Variants in PHF20 observed in about 807,000 individuals in gnomAD.
PHF20 encodes the protein glioma-expressed antigen 2.
In PHF20, 23 loss-of-function variants were observed where a neutral mutation model predicts 113.5. That is an observed-to-expected ratio of 0.20 (90% CI 0.15 to 0.29). The LOEUF (loss-of-function observed/expected upper bound fraction) is 0.29, where lower values mean the gene tolerates loss of function less well. Ranked by LOEUF, PHF20 falls within the 10% of genes least tolerant of loss-of-function variation. The probability of loss-of-function intolerance (pLI) is 1.00; values close to 1 mark genes in which losing one functional copy is unlikely to be tolerated. For missense variants in PHF20, 943 were observed against 1,219.6 expected (o/e 0.77, Z 3.38); for synonymous variants, 434 against 457.3 (o/e 0.95, Z 0.65).
In PHF20 at chr20:35,854,050, G is replaced by A. The variant is rs185422677; in HGVS notation, c.341-4252G>A. Among the ~76,000 whole-genome samples the A allele has an allele frequency of 2.0e-3, 300 of 152,164 alleles. 1 individual carries two copies. The highest frequency in any genetic ancestry group is 3.2e-3 in the Non-Finnish European group (221 of 68,014). ...ATTACAGGCGTGAGCCACCATGCCCGGCCGATGAAGACCCTGTTTCTAAGA... is the reference window on the plus strand; with the variant it reads ...ATTACAGGCGTGAGCCACCATGCCCAGCCGATGAAGACCCTGTTTCTAAGA... On this transcript the variant is annotated intron_variant, in intron 4 of 17. Coordinates refer to ENST00000374012, the MANE Select transcript of PHF20 (RefSeq NM_016436.5).
At chr20:35,798,345 C>T (rs886087203) in intron 1 of PHF20, among the ~76,000 whole-genome samples, 2 of 152,066 alleles carry the variant, frequency 1.3e-5, no homozygotes, top group Admixed American at 6.6e-5. Context: ...CCCAGGAAGT[C>T]GAGGCTACAG....
intron 9 of PHF20, among the ~76,000 whole-genome samples, chr20:35,893,047 A>G (rs1600890633): frequency 6.6e-6 from 1 of 152,220 alleles, no homozygotes; most frequent in Non-Finnish European, 1.5e-5. Context: ...CCTGAGGAGC[A>G]TCCGTGCTCA....
intron 2 of PHF20, among the ~76,000 whole-genome samples, chr20:35,814,083 T>A (rs1010310109): frequency 1.3e-5 from 2 of 151,980 alleles, no homozygotes; most frequent in South Asian, 2.1e-4. Flanking sequence ...CATTGGTTTT[T>A]AAAAAAAGAA....
intron 17 of PHF20, among the ~76,000 whole-genome samples, chr20:35,946,279 C>G (rs576033782): frequency 6.6e-6 from 1 of 151,912 alleles, no homozygotes; most frequent in Non-Finnish European, 1.5e-5. Flanking sequence ...GACCAAAATA[C>G]AAAAATTCGC....
chr20:35,798,225 C>A (rs1417794686), intron 1 of PHF20, among the ~76,000 whole-genome samples: 1 of 151,966 alleles, frequency 6.6e-6, no homozygotes, highest in East Asian at 1.9e-4. Flanking sequence ...CCAGCCCAGA[C>A]AAACACATAG....
rs1168230828 is a variant in PHF20 at position 35,814,822 on chromosome 20, G to A, written c.83+13217G>A. Among the ~76,000 whole-genome samples the A allele has an allele frequency of 1.2e-4, 16 of 138,314 alleles. No homozygotes were observed. In the Admixed American group the frequency reaches 1.2e-3, roughly 10 times the overall value. The allele number at this position is 138,314 out of a possible 152,430, so 90.7% of individuals were successfully genotyped here. ...CGGGAGGCGGAGCTTGCAATGAGCC[G>A]AGATCCCGCCACTGCACTCCAGCCT... On this transcript the variant is annotated intron_variant, in intron 2 of 17. Transcript: ENST00000374012.
At chr20:35,828,086 T>C (rs78441236) in intron 2 of PHF20, among the ~76,000 whole-genome samples, 1 of 152,068 alleles carries the variant, frequency 6.6e-6, no homozygotes, top group Non-Finnish European at 1.5e-5. Context: ...TGCAATGGCA[T>C]GATCTCGGCC....
At chr20:35,833,697 C>A (rs2146923891) in intron 2 of PHF20, among the ~76,000 whole-genome samples, 1 of 152,100 alleles carries the variant, frequency 6.6e-6, no homozygotes, top group Non-Finnish European at 1.5e-5. Flanking sequence ...CTTTCCCAAC[C>A]CTCTAGTTAG....
rs56655276 is a variant in PHF20 at position 35,857,562 on chromosome 20, C to CTTTTTTTTTTTTTTTTTTTTTTTTTT, written c.341-716_341-715insTTTTTTTTTTTTTTTTTTTTTTTTTT. On this transcript the variant is annotated intron_variant, in intron 4 of 17. Coordinates refer to ENST00000374012, the MANE Select transcript of PHF20 (RefSeq NM_016436.5). ...CAATACCTTTAGCTGAATGATGTTC[C>CTTTTTTTTTTTTTTTTTTTTTTTTTT]TTTTTTTTTTTTTTTTTTTTTTTTG... Among the ~76,000 whole-genome samples the CTTTTTTTTTTTTTTTTTTTTTTTTTT allele has an allele frequency of 1.2e-4, 12 of 99,678 alleles. 1 individual carries two copies. The highest frequency in any genetic ancestry group is 1.7e-4 in the Non-Finnish European group (9 of 54,414). The allele number at this position is 99,678 out of a possible 152,430, so 65.4% of individuals were successfully genotyped here. A position where few individuals can be genotyped will look rare whatever the true frequency, so the allele number is the denominator to read the frequency against.
Position 35,938,772 on chromosome 20 carries a change from C to T in PHF20, c.2376C>T (p.Phe792=). The change falls in exon 16 of 18, where the codon TTC becomes TTT. Residue 792 remains phenylalanine, a synonymous_variant. Coordinates refer to ENST00000374012, the MANE Select transcript of PHF20 (RefSeq NM_016436.5). ...KQHSGEGRSH[F]RNIPVTDTRS... ...ACTCAGGGGAGGGGAGATCTCATTTCAGAAACATCCCTGTCACTGACACCA... is the reference window on the plus strand; with the variant it reads ...ACTCAGGGGAGGGGAGATCTCATTTTAGAAACATCCCTGTCACTGACACCA... 2 of 1,614,140 alleles carry T rather than the reference C, an allele frequency of 1.2e-6. No homozygotes were observed. Among genetic ancestry groups the T allele is most frequent in the Non-Finnish European group, 1.7e-6 (2 of 1,179,992 alleles).
At chr20:35,918,682 T>C (rs1406301838) in intron 13 of PHF20, among the ~76,000 whole-genome samples, 4 of 152,152 alleles carry the variant, frequency 2.6e-5, no homozygotes, top group Non-Finnish European at 5.9e-5. Flanking sequence ...AGATATTAGT[T>C]TTTGGAACAG....
At position 35,822,910 on chromosome 20, in the gene PHF20, C is replaced by T. The variant is rs184589019; in HGVS notation, c.84-19663C>T. On this transcript the variant is annotated intron_variant, in intron 2 of 17. Coordinates refer to ENST00000374012, the MANE Select transcript of PHF20 (RefSeq NM_016436.5). ...GTTCCCATATTCCTGTGTTCTCCCT[C>T]CAGCCTCCCCCACTTTCAACATCCT... Among the ~76,000 whole-genome samples, 3 of 151,454 alleles carry T rather than the reference C, an allele frequency of 2.0e-5. No individual in the cohort carries two copies. In the East Asian group the frequency reaches 5.8e-4, roughly 29 times the overall value.
In PHF20 at chr20:35,821,332, A is replaced by G. The variant is rs187687610; in HGVS notation, c.83+19727A>G. Among the ~76,000 whole-genome samples the G allele has an allele frequency of 2.4e-3, 362 of 151,546 alleles. 2 individuals carry two copies. The highest frequency in any genetic ancestry group is 7.1e-3 in the South Asian group (34 of 4,760). On this transcript the variant is annotated intron_variant, in intron 2 of 17. Coordinates refer to ENST00000374012, the MANE Select transcript of PHF20 (RefSeq NM_016436.5). ...CGCCTGTAATCCCAGTTACTCAGGA[A>G]GCTGAGGCAGGAGAATTGCTTGAAC...
At chr20:35,844,542 ACCAC>A (rs1208214236) in intron 3 of PHF20, among the ~76,000 whole-genome samples, 1 of 81,334 alleles carries the variant, frequency 1.2e-5, no homozygotes, top group African/African-American at 5.1e-5. Context: ...CTTCACCATC[ACCAC>A]ACACACACAC....
intron 15 of PHF20, 106 bp downstream of exon 15, chr20:35,931,550 T>C (rs111587868): frequency 1.2e-5 from 10 of 807,624 alleles, no homozygotes; most frequent in Middle Eastern, 3.9e-4. Flanking sequence ...ATCATAAAAC[T>C]GAGTTTGAGA....
At chr20:35,904,398 C>T (rs1289511536) in intron 10 of PHF20, among the ~76,000 whole-genome samples, 2 of 150,428 alleles carry the variant, frequency 1.3e-5, no homozygotes, top group Non-Finnish European at 2.9e-5. Context: ...AATTCTCCTG[C>T]CTCAGCCTCC....
chr20:35,913,998 G>A (rs771875062), intron 11 of PHF20, 35 bp from the exon 12 acceptor site: 2 of 1,605,712 alleles, frequency 1.2e-6, no homozygotes, highest in Admixed American at 3.3e-5. Flanking sequence ...GTGTTAACTA[G>A]GGTTATTCAT....
chr20:35,791,486 T>TTAG (rs2041551285), intron 1 of PHF20, among the ~76,000 whole-genome samples: 1 of 145,284 alleles, frequency 6.9e-6, no homozygotes, highest in Admixed American at 7.0e-5. Flanking sequence ...TCTATCTATC[T>TTAG]ATCTATCTAT....
chr20:35,910,999 A>G (rs2055289754), intron 10 of PHF20, among the ~76,000 whole-genome samples: 1 of 152,026 alleles, frequency 6.6e-6, no homozygotes, highest in Non-Finnish European at 1.5e-5. Context: ...CCTTTCACCC[A>G]GCATACTTTG....
Sources: allele counts gnomAD v4.1 joint callset (sites outside exome capture counted in the v4.1 genomes callset), GRCh38; gene constraint gnomAD v4.1.1; transcripts MANE v1.5; gene names NCBI Gene and HGNC (gene_info 2026-07-23, HGNC 2026-07-21).